Variants in LDLRAP1 observed in about 807,000 individuals in gnomAD.
LDLRAP1 encodes low density lipoprotein receptor adapter protein 1.
Under a neutral mutation model 37.8 loss-of-function variants are expected in LDLRAP1, and 30 were observed. The ratio of observed to expected loss-of-function variants is 0.79; its 90% CI spans 0.59 to 1.08. The LOEUF (loss-of-function observed/expected upper bound fraction) is 1.08, where lower values mean the gene tolerates loss of function less well. LDLRAP1 is among the 50% of genes least tolerant of loss of function. The probability of loss-of-function intolerance (pLI) is 0.00; values close to 1 mark genes in which losing one functional copy is unlikely to be tolerated. For synonymous variants in LDLRAP1, 156 were observed against 169.8 expected (o/e 0.92, Z 0.63); for missense variants, 375 against 401.6 (o/e 0.93, Z 0.57).
chr1:25,562,409 G>A (rs1024442762), intron 4 of LDLRAP1, among the ~76,000 whole-genome samples: 1 of 152,198 alleles, frequency 6.6e-6, no homozygotes, highest in African/African-American at 2.4e-5. Flanking sequence ...GTAAAGATGG[G>A]GACTCTACTG....
At chr1:25,575,432 A>AAAACAAAC in the LDLRAP1 span, among the ~76,000 whole-genome samples, 3 of 150,834 alleles carry the variant, frequency 2.0e-5, no homozygotes, top group African/African-American at 7.3e-5. Flanking sequence ...CTAAAAAAAA[A>AAAACAAAC]AAAAAAAAAA....
chr1:25,567,015 A>T lies in LDLRAP1; in HGVS notation c.*23A>T. 6.2e-7 allele frequency: 1 copy of T among 1,612,838 alleles called. No individual in the cohort carries two copies. Among genetic ancestry groups the T allele is most frequent in the Non-Finnish European group, 8.5e-7 (1 of 1,179,798 alleles). The stretch of plus-strand genomic sequence containing the variant: ...TGAGGGCCCGGGGCCAGCCGGACAC[A>T]AGCGGCCCTGACACGTGATGGACCA... On this transcript the variant is annotated 3_prime_UTR_variant, in exon 9 of 9. Transcript: ENST00000374338.
chr1:25,584,494 A>G, the LDLRAP1 span, among the ~76,000 whole-genome samples: 2 of 152,090 alleles, frequency 1.3e-5, no homozygotes, highest in African/African-American at 4.8e-5. Context: ...CAAGTTGGCC[A>G]CACCAGCAGA....
the LDLRAP1 span, among the ~76,000 whole-genome samples, chr1:25,575,419 C>G: frequency 3.7e-5 from 3 of 80,562 alleles, no homozygotes; most frequent in Admixed American, 1.7e-4. Flanking sequence ...AACCCTGTCT[C>G]TACTAAAAAA....
At chr1:25,586,139 T>C in the LDLRAP1 span, among the ~76,000 whole-genome samples, 1 of 152,160 alleles carries the variant, frequency 6.6e-6, no homozygotes, top group Non-Finnish European at 1.5e-5. The surrounding 1 kb of genome is among the most constrained non-coding windows in gnomAD (Gnocchi z 4.3). Context: ...AGGGGACTAA[T>C]TGTAGGCAAT....
chr1:25,574,659 C>T, the LDLRAP1 span, among the ~76,000 whole-genome samples: 75 of 152,110 alleles, frequency 4.9e-4, no homozygotes, highest in Non-Finnish European at 9.6e-4. Flanking sequence ...GTCTCTTGGT[C>T]CCTGCCAGCC....
At chr1:25,579,571 G>A in the LDLRAP1 span, among the ~76,000 whole-genome samples, 1 of 152,220 alleles carries the variant, frequency 6.6e-6, no homozygotes, top group South Asian at 2.1e-4. Context: ...AAAGTTCCTA[G>A]GCTCCAGTCC....
At chr1:25,562,352 G>T (rs2044361506) in intron 4 of LDLRAP1, among the ~76,000 whole-genome samples, 1 of 152,242 alleles carries the variant, frequency 6.6e-6, no homozygotes, top group Non-Finnish European at 1.5e-5. Flanking sequence ...GCCTTTGCAG[G>T]CAGGGGCCCT....
the LDLRAP1 span, among the ~76,000 whole-genome samples, chr1:25,575,423 T>TAAAAAAA: frequency 4.0e-3 from 439 of 108,730 alleles, 9 homozygotes; most frequent in African/African-American, 0.014. Flanking sequence ...CTGTCTCTAC[T>TAAAAAAA]AAAAAAAAAA....
At chr1:25,588,811 C>T in the LDLRAP1 span, among the ~76,000 whole-genome samples, 1 of 152,180 alleles carries the variant, frequency 6.6e-6, no homozygotes, top group Non-Finnish European at 1.5e-5. Flanking sequence ...GGCAACCCAC[C>T]CCTTCAAAGT....
At chr1:25,548,979 A>T (rs1023460027) in intron 1 of LDLRAP1, among the ~76,000 whole-genome samples, 14 of 152,218 alleles carry the variant, frequency 9.2e-5, no homozygotes, top group Admixed American at 5.9e-4. Context: ...AAGTTAGGAC[A>T]CTGAGATCCA....
intron 8 of LDLRAP1, 52 bp downstream of exon 8, chr1:25,565,259 C>G (rs1296659143): frequency 6.3e-7 from 1 of 1,599,698 alleles, no homozygotes; most frequent in Admixed American, 1.7e-5. Flanking sequence ...GTGGGCTGGC[C>G]CTGCTGCCCT....
intron 8 of LDLRAP1, among the ~76,000 whole-genome samples, chr1:25,565,443 T>C (rs1404883313): frequency 2.0e-5 from 3 of 152,154 alleles, no homozygotes; most frequent in Non-Finnish European, 2.9e-5. Flanking sequence ...AGTCAAAAAC[T>C]ATTCCTGGTG....
chr1:25,571,979 C>T (rs975438271), downstream of LDLRAP1, among the ~76,000 whole-genome samples: 3 of 152,178 alleles, frequency 2.0e-5, no homozygotes, highest in South Asian at 2.1e-4. Flanking sequence ...GGAAAGTCCC[C>T]GGGCATGAGC....
At chr1:25,550,048 G>C (rs2044036872) in intron 1 of LDLRAP1, 1 of 152,364 alleles carries the variant, frequency 6.6e-6, no homozygotes, top group South Asian at 2.1e-4. Flanking sequence ...ACTTTAAAGG[G>C]AAGAGACGTG....
At chr1:25,545,761 A>C (rs2043919855) in intron 1 of LDLRAP1, among the ~76,000 whole-genome samples, 2 of 152,208 alleles carry the variant, frequency 1.3e-5, no homozygotes, top group Admixed American at 6.5e-5. Context: ...TAAATTGCAA[A>C]TAACAGTAGT....
chr1:25,589,504 TAAGTA>T, the LDLRAP1 span, among the ~76,000 whole-genome samples: 1 of 152,178 alleles, frequency 6.6e-6, no homozygotes, highest in East Asian at 1.9e-4. Flanking sequence ...ATCCATAGAC[TAAGTA>T]AAGAAGATCC....
In LDLRAP1 at chr1:25,555,576, A is replaced by T. The variant is rs1415317912; in HGVS notation, c.344+604A>T. Among the ~76,000 whole-genome samples the T allele has an allele frequency of 6.6e-6, 1 of 152,164 alleles. No homozygotes were observed. Among genetic ancestry groups the T allele is most frequent in the Non-Finnish European group, 1.5e-5 (1 of 68,026 alleles). ...GGGAATTGCCTAAGGCTGCACAGTG[A>T]GGTAGTAGCTAAACTGGAACTAGGA... is the stretch of plus-strand genomic sequence containing the variant. On this transcript the variant is annotated intron_variant, in intron 3 of 8. Transcript: ENST00000374338. The surrounding 1 kb of genome is among the most constrained non-coding windows in gnomAD (Gnocchi z 4.7).
chr1:25,582,431 A>G, the LDLRAP1 span, among the ~76,000 whole-genome samples: 6 of 151,028 alleles, frequency 4.0e-5, no homozygotes, highest in Admixed American at 2.0e-4. Flanking sequence ...CTAAAAATAC[A>G]AAACTTAGCT....
Sources: allele counts gnomAD v4.1 joint callset (sites outside exome capture counted in the v4.1 genomes callset), GRCh38; gene constraint gnomAD v4.1.1; non-coding constraint Gnocchi (gnomAD v3.1); transcripts MANE v1.5; gene names NCBI Gene and HGNC (gene_info 2026-07-23, HGNC 2026-07-21).